KCNMB2: variants seen among roughly 807,000 people sequenced by gnomAD.
KCNMB2 encodes calcium-activated potassium channel subunit beta-2.
In KCNMB2, 9 loss-of-function variants were observed where a neutral mutation model predicts 24.5. That is an observed-to-expected ratio of 0.37 (90% CI 0.22 to 0.64). KCNMB2 has a LOEUF of 0.64. Among genes scored for constraint, KCNMB2 ranks in the 30% least tolerant of loss-of-function variants. KCNMB2 has a pLI of 0.63. For missense variants in KCNMB2, 226 were observed against 284.3 expected (o/e 0.79, Z 1.47); for synonymous variants, 109 against 104.4 (o/e 1.04, Z -0.27).
rs564751127 is a variant in KCNMB2 at position 178,636,399 on chromosome 3, AAAAAT to A, written c.-68+99697_-68+99701del. ...CACCTGTACCCCAATAACTTACGAAAAAAATAAAATAAAGTAAGAGGCACAAGTAA... is the reference window on the plus strand; with the variant it reads ...CACCTGTACCCCAATAACTTACGAAAAAAATAAAGTAAGAGGCACAAGTAA... On this transcript the variant is annotated intron_variant, in intron 1 of 4. Coordinates refer to ENST00000452583, the MANE Select transcript of KCNMB2 (RefSeq NM_181361.3). Among the ~76,000 whole-genome samples the A allele has an allele frequency of 7.5e-4, 114 of 152,296 alleles. 2 individuals are homozygous for A. The highest frequency in any genetic ancestry group is 2.4e-3 in the African/African-American group (101 of 41,518).
intron 1 of KCNMB2, among the ~76,000 whole-genome samples, chr3:178,730,449 A>C (rs546007490): frequency 8.3e-6 from 1 of 119,824 alleles, no homozygotes; most frequent in African/African-American, 3.3e-5. Context: ...CCCCTCATCC[A>C]ATCCTCAGCT....
intron 2 of KCNMB2, chr3:178,820,697 ATTTTACTAGGT>A (rs918666747): frequency 3.3e-5 from 5 of 152,660 alleles, no homozygotes; most frequent in Non-Finnish European, 7.3e-5. Context: ...TCAAAATAAA[ATTTTACTAGGT>A]TGACTAATGC....
chr3:178,751,573 CAAAAAAAAAAAAAAAAAAAAAAA>C (rs61148761), intron 1 of KCNMB2, among the ~76,000 whole-genome samples: 2 of 47,692 alleles, frequency 4.2e-5, no homozygotes, highest in Admixed American at 6.7e-4. Context: ...GACTCCGTCT[CAAAAAAAAAAAAAAAAAAAAAAA>C]AAAAAAAAAG....
At chr3:178,624,594 CTTTCTT>C (rs1484804747) in intron 1 of KCNMB2, among the ~76,000 whole-genome samples, 1 of 44,186 alleles carries the variant, frequency 2.3e-5, no homozygotes, top group Non-Finnish European at 4.2e-5. Flanking sequence ...TTCTTTTTTT[CTTTCTT>C]TTTTTTTTTT....
rs376123881 is a variant in KCNMB2 at position 178,550,265 on chromosome 3, A to G, written c.-68+13554A>G. 2.0e-5 allele frequency among the ~76,000 whole-genome samples: 3 copies of G among 151,432 alleles called. No homozygotes were observed. In the East Asian group the frequency reaches 5.8e-4, roughly 29 times the overall value. ...GGAGATCGAGACTGTCCTGGCTAAC[A>G]TGGTGAAACCCCATTTCTACTAAAA... is the stretch of plus-strand genomic sequence containing the variant. On this transcript the variant is annotated intron_variant, in intron 1 of 4. Coordinates refer to ENST00000452583, the MANE Select transcript of KCNMB2 (RefSeq NM_181361.3).
intron 1 of KCNMB2, among the ~76,000 whole-genome samples, chr3:178,592,656 T>C (rs1717715743): frequency 1.3e-5 from 2 of 152,282 alleles, no homozygotes; most frequent in South Asian, 4.1e-4. Context: ...TATACTATTG[T>C]CTTTTTAAAG....
intron 1 of KCNMB2, among the ~76,000 whole-genome samples, chr3:178,741,057 G>A (rs1323383280): frequency 6.6e-6 from 1 of 152,156 alleles, no homozygotes; most frequent in Non-Finnish European, 1.5e-5. Context: ...AAATATCCTC[G>A]ACTGTCTGGC....
intron 1 of KCNMB2, among the ~76,000 whole-genome samples, chr3:178,770,459 C>G (rs955120429): frequency 2.0e-5 from 3 of 152,182 alleles, no homozygotes; most frequent in African/African-American, 7.2e-5. Flanking sequence ...AGATGAGGAC[C>G]AAGTGCGGTA....
At chr3:178,640,622 C>T (rs1158275378) in intron 1 of KCNMB2, among the ~76,000 whole-genome samples, 3 of 152,126 alleles carry the variant, frequency 2.0e-5, no homozygotes, top group Non-Finnish European at 4.4e-5. Context: ...TATTTGAAAA[C>T]TCATCTGGAC....
intron 1 of KCNMB2, among the ~76,000 whole-genome samples, chr3:178,756,723 G>C (rs1223312149): frequency 1.3e-5 from 2 of 151,980 alleles, no homozygotes; most frequent in African/African-American, 2.4e-5. Context: ...GCACTTTCCA[G>C]AGCAACCTCA....
At chr3:178,625,673 G>A (rs1399964484) in intron 1 of KCNMB2, among the ~76,000 whole-genome samples, 1 of 152,186 alleles carries the variant, frequency 6.6e-6, no homozygotes, top group Non-Finnish European at 1.5e-5. Flanking sequence ...ACAGCCCTAA[G>A]TTCAAATACT....
intron 1 of KCNMB2, among the ~76,000 whole-genome samples, chr3:178,755,197 C>G (rs1678853127): frequency 1.3e-5 from 2 of 152,206 alleles, no homozygotes; most frequent in South Asian, 4.1e-4. Context: ...CTGTGCATAG[C>G]AGGAGCACTC....
intron 1 of KCNMB2, among the ~76,000 whole-genome samples, chr3:178,785,955 G>A (rs1713083265): frequency 6.6e-6 from 1 of 152,056 alleles, no homozygotes; most frequent in African/African-American, 2.4e-5. Context: ...AGAGTATTAA[G>A]ACTCAGAAAA....
intron 3 of KCNMB2, among the ~76,000 whole-genome samples, chr3:178,826,434 T>C (rs112655375): frequency 2.0e-5 from 3 of 152,180 alleles, no homozygotes; most frequent in African/African-American, 7.2e-5. Context: ...AGATTTTGAA[T>C]CTTTTCATTT....
At chr3:178,641,461 T>C (rs1352150172) in intron 1 of KCNMB2, among the ~76,000 whole-genome samples, 5 of 152,178 alleles carry the variant, frequency 3.3e-5, no homozygotes, top group African/African-American at 1.2e-4. Context: ...TTTTTAAATT[T>C]CAAATCCATT....
chr3:178,754,458 C>G (rs978251575), intron 1 of KCNMB2, among the ~76,000 whole-genome samples: 1 of 152,180 alleles, frequency 6.6e-6, no homozygotes, highest in Admixed American at 6.6e-5. Flanking sequence ...GTTGGCACAT[C>G]TAATAAATGT....
intron 1 of KCNMB2, among the ~76,000 whole-genome samples, chr3:178,621,059 G>C (rs1468284974): frequency 1.3e-5 from 2 of 152,134 alleles, no homozygotes; most frequent in Non-Finnish European, 2.9e-5. Flanking sequence ...ATGGTCAAAG[G>C]GGTGCTTTAG....
rs1428332560 is a variant in KCNMB2 at position 178,536,592 on chromosome 3, A to T, written c.-187A>T. 6.6e-6 allele frequency: 1 copy of T among 152,236 alleles called. No homozygotes were observed. The highest frequency in any genetic ancestry group is 2.4e-5 in the African/African-American group (1 of 41,468). 9.4% of individuals were successfully genotyped at this position (152,236 alleles called of 1,614,324 possible). A position where few individuals can be genotyped will look rare whatever the true frequency, so the allele number is the denominator to read the frequency against. ...GAAAGGGTTGTGACATTAATGGTCC[A>T]CAAAGGCTTTAGGCACAAGAGGTAA... On this transcript the variant is annotated 5_prime_UTR_variant, in exon 1 of 5. Transcript: ENST00000452583.
chr3:178,716,079 C>A (rs1354957794), intron 1 of KCNMB2, among the ~76,000 whole-genome samples: 1 of 152,232 alleles, frequency 6.6e-6, no homozygotes, highest in African/African-American at 2.4e-5. Flanking sequence ...CCAAAGCTTA[C>A]AGTTCAGCCA....
Sources: allele counts gnomAD v4.1 joint callset (sites outside exome capture counted in the v4.1 genomes callset), GRCh38; gene constraint gnomAD v4.1.1; transcripts MANE v1.5; gene names NCBI Gene and HGNC (gene_info 2026-07-23, HGNC 2026-07-21).